OR6B3: variants seen among roughly 807,000 people sequenced by gnomAD.
OR6B3 encodes olfactory receptor 6B3.
For synonymous variants in OR6B3, 148 were observed against 187.8 expected (o/e 0.79, Z 1.73); for missense variants, 315 against 427.4 (o/e 0.74, Z 2.32).
chr2:240,045,538 A>G (rs201011599), exon 2 of OR6B3: 196 of 1,587,022 alleles, frequency 1.2e-4, no homozygotes, highest in East Asian at 6.9e-4. Context: ...GAAATGTCAC[A>G]GAAGAAGTGG....
chr2:240,046,683 T>C (rs2106527153), intron 1 of OR6B3, among the ~76,000 whole-genome samples: 1 of 152,166 alleles, frequency 6.6e-6, no homozygotes, highest in African/African-American at 2.4e-5. Context: ...CACATCCTTA[T>C]CCCTGTCAAT....
At chr2:240,051,148 C>G (rs1698251391), upstream of OR6B3, among the ~76,000 whole-genome samples, 1 of 152,140 alleles carries the variant, frequency 6.6e-6, no homozygotes, top group African/African-American at 2.4e-5. Context: ...TATGAGCATG[C>G]AACGCAATTT....
upstream of OR6B3, among the ~76,000 whole-genome samples, chr2:240,047,309 G>A (rs1442925273): frequency 6.6e-6 from 1 of 152,184 alleles, no homozygotes; most frequent in Non-Finnish European, 1.5e-5. Context: ...TAAGGGATGG[G>A]CTAAGTAAGT....
exon 2 of OR6B3, chr2:240,045,377 G>A (rs181292275): frequency 1.4e-4 from 234 of 1,614,180 alleles, no homozygotes; most frequent in Non-Finnish European, 1.9e-4. Context: ...TCCAGCAGCC[G>A]GTGGCCGAGG....
intron 1 of OR6B3, among the ~76,000 whole-genome samples, chr2:240,046,345 C>T (rs555082053): frequency 1.3e-5 from 2 of 152,270 alleles, no homozygotes; most frequent in South Asian, 4.2e-4. Flanking sequence ...CACCACCAGT[C>T]TCCCTCATCT....
chr2:240,052,852 C>A, the OR6B3 span, among the ~76,000 whole-genome samples: 1 of 152,124 alleles, frequency 6.6e-6, no homozygotes, highest in Admixed American at 6.5e-5. This position sits in a 1 kb window ranked among gnomAD's most constrained non-coding sequence, Gnocchi z 4.5. Flanking sequence ...CACTCTGTTG[C>A]CCAGGCTGGA....
chr2:240,047,047 C>T, upstream of OR6B3: 1 of 152,166 alleles, frequency 6.6e-6, no homozygotes. Flanking sequence ...GCAGTGAACC[C>T]ATGTGGACAT....
chr2:240,051,344 T>C (rs1010099939), upstream of OR6B3, among the ~76,000 whole-genome samples: 4 of 152,166 alleles, frequency 2.6e-5, no homozygotes, highest in Non-Finnish European at 5.9e-5. Context: ...AGAGTGACTG[T>C]TAAAGGCAAG....
upstream of OR6B3, among the ~76,000 whole-genome samples, chr2:240,048,754 C>T (rs905662168): frequency 3.9e-4 from 60 of 152,344 alleles, no homozygotes; most frequent in Middle Eastern, 3.4e-3. Flanking sequence ...TTCACCACCA[C>T]AACCACCTGC....
At chr2:240,050,751 A>G (rs1018786633), upstream of OR6B3, among the ~76,000 whole-genome samples, 1 of 140,486 alleles carries the variant, frequency 7.1e-6, no homozygotes, top group African/African-American at 2.6e-5. Flanking sequence ...AAAAAAAAAA[A>G]GAGACAAATA....
At chr2:240,050,709 G>A (rs1346885758), upstream of OR6B3, among the ~76,000 whole-genome samples, 3 of 124,512 alleles carry the variant, frequency 2.4e-5, no homozygotes, top group Non-Finnish European at 4.8e-5. Context: ...GTAAGACTCC[G>A]TCTCAAAGAG....
In OR6B3 at chr2:240,045,350, G is replaced by T. The variant is rs200717003; in HGVS notation, c.723C>A (p.Cys241Ter). The change falls in exon 2 of 2, where the codon TGC (cysteine) becomes TGA (stop). Residue 241 changes from cysteine to a stop codon, truncating the protein, a stop_gained. Coordinates refer to ENST00000641019, the Ensembl canonical transcript of OR6B3. LOFTEE classifies it low-confidence loss of function (END_TRUNC). ...CGGTGACCACGGTGAGGTGAGAGGC[G>T]CAGGTGAAGAAGGCTCTCCAGCAGC... The T allele has an allele frequency of 4.9e-5, 79 of 1,614,200 alleles. No homozygotes were observed. In the African/African-American group the frequency reaches 9.9e-4, roughly 20 times the overall value.
chr2:240,049,160 C>G (rs1375434103), upstream of OR6B3, among the ~76,000 whole-genome samples: 1 of 152,166 alleles, frequency 6.6e-6, no homozygotes, highest in African/African-American at 2.4e-5. Flanking sequence ...GGCTGGGCCG[C>G]TTGGTGGCTG....
At chr2:240,045,060 A>T (rs1698160172), downstream of OR6B3, 1 of 1,544,798 alleles carries the variant, frequency 6.5e-7, no homozygotes. Flanking sequence ...AATAATGCAA[A>T]CAGTCAAATG....
chr2:240,053,481 G>C, the OR6B3 span, among the ~76,000 whole-genome samples: 2 of 152,274 alleles, frequency 1.3e-5, no homozygotes, highest in Admixed American at 1.3e-4. This position sits in a 1 kb window ranked among gnomAD's most constrained non-coding sequence, Gnocchi z 4.1. Flanking sequence ...TGCAGGGCAG[G>C]GCGCGAGGCA....
At chr2:240,050,948 G>A (rs368333377), upstream of OR6B3, among the ~76,000 whole-genome samples, 8 of 151,940 alleles carry the variant, frequency 5.3e-5, no homozygotes, top group South Asian at 6.2e-4. Flanking sequence ...AGAAATCATC[G>A]GCAATGGCAT....
At chr2:240,049,913 A>G (rs1399314513), upstream of OR6B3, among the ~76,000 whole-genome samples, 1 of 152,178 alleles carries the variant, frequency 6.6e-6, no homozygotes, top group Non-Finnish European at 1.5e-5. Flanking sequence ...AGGGTATGTT[A>G]TATTCCTGGA....
upstream of OR6B3, among the ~76,000 whole-genome samples, chr2:240,051,895 G>T (rs1009456336): frequency 2.6e-5 from 4 of 152,158 alleles, no homozygotes; most frequent in African/African-American, 9.7e-5. Context: ...ACAGCCTACA[G>T]CATCCCCACA....
upstream of OR6B3, among the ~76,000 whole-genome samples, chr2:240,049,015 G>A (rs1208775911): frequency 6.6e-6 from 1 of 152,156 alleles, no homozygotes; most frequent in Non-Finnish European, 1.5e-5. Context: ...TGGGAGTCTG[G>A]ATCTCACAGT....
Sources: allele counts gnomAD v4.1 joint callset (sites outside exome capture counted in the v4.1 genomes callset), GRCh38; gene constraint gnomAD v4.1.1; non-coding constraint Gnocchi (gnomAD v3.1); transcripts MANE v1.5; gene names NCBI Gene and HGNC (gene_info 2026-07-23, HGNC 2026-07-21).